CLMP: variants seen among roughly 807,000 people sequenced by gnomAD.
CLMP encodes CXADR-like membrane protein.
Under a neutral mutation model 45.2 loss-of-function variants are expected in CLMP, and 27 were observed. That is an observed-to-expected ratio of 0.60 (90% CI 0.44 to 0.82). The LOEUF (loss-of-function observed/expected upper bound fraction) is 0.82. CLMP is among the 40% of genes least tolerant of loss of function. CLMP has a pLI of 0.00. For missense variants in CLMP, 403 were observed against 448.4 expected, an observed-to-expected ratio of 0.90 and a Z score of 0.91; for synonymous variants, 167 against 171.4, an observed-to-expected ratio of 0.97 and a Z score of 0.20.
At chr11:123,166,094 T>C (rs977933973) in intron 1 of CLMP, among the ~76,000 whole-genome samples, 1 of 152,216 alleles carries the variant, frequency 6.6e-6, no homozygotes, top group Non-Finnish European at 1.5e-5. Context: ...CAAAAATTCA[T>C]GATTTGCAGC....
intron 4 of CLMP, 30 bp from the exon 5 acceptor site, chr11:123,083,237 C>G: frequency 6.2e-7 from 1 of 1,605,254 alleles, no homozygotes; most frequent in Non-Finnish European, 8.5e-7. Context: ...GACTGTAAAT[C>G]CCTTTAGTGA....
chr11:123,139,234 A>C (rs559570719), intron 1 of CLMP, among the ~76,000 whole-genome samples: 3 of 151,930 alleles, frequency 2.0e-5, no homozygotes, highest in South Asian at 2.1e-4. Context: ...AATAGTTTTC[A>C]ACTCAACAGG....
At chr11:123,144,671 G>A (rs1861213185) in intron 1 of CLMP, among the ~76,000 whole-genome samples, 1 of 151,504 alleles carries the variant, frequency 6.6e-6, no homozygotes, top group South Asian at 2.1e-4. Context: ...CTCCCAGCGG[G>A]GATAATGATT....
intron 5 of CLMP, among the ~76,000 whole-genome samples, chr11:123,075,935 G>A (rs1865733705): frequency 6.6e-6 from 1 of 152,122 alleles, no homozygotes; most frequent in Non-Finnish European, 1.5e-5. Context: ...CACTTTGGGA[G>A]GCTGACGTGG....
intron 1 of CLMP, among the ~76,000 whole-genome samples, chr11:123,177,735 T>G (rs1326981551): frequency 1.3e-5 from 2 of 152,206 alleles, no homozygotes; most frequent in Non-Finnish European, 2.9e-5. Flanking sequence ...TTAAAACATC[T>G]TGATTGTGGT....
chr11:123,165,030 G>T (rs1388896035), intron 1 of CLMP, among the ~76,000 whole-genome samples: 1 of 152,168 alleles, frequency 6.6e-6, no homozygotes. Context: ...GTAAAAACGC[G>T]ATTTTGACAG....
intron 1 of CLMP, among the ~76,000 whole-genome samples, chr11:123,136,598 C>T (rs1298828828): frequency 2.8e-4 from 35 of 126,362 alleles, no homozygotes; most frequent in African/African-American, 9.6e-4. Context: ...GACTGAGTCT[C>T]GCTCTGTCGC....
intron 1 of CLMP, among the ~76,000 whole-genome samples, chr11:123,116,265 C>T (rs1860718279): frequency 6.6e-6 from 1 of 152,028 alleles, no homozygotes; most frequent in Non-Finnish European, 1.5e-5. Flanking sequence ...GCCTACCACA[C>T]ACTTTAATAA....
intron 1 of CLMP, among the ~76,000 whole-genome samples, chr11:123,181,015 A>C (rs76735255): frequency 0.047 from 7,161 of 152,262 alleles, 225 homozygotes; most frequent in Middle Eastern, 0.092. Context: ...CTCTGCCTCC[A>C]ACCTCAGTGT....
At position 123,105,051 on chromosome 11, in the gene CLMP, G is replaced by A. The variant is rs1860522220; in HGVS notation, c.29-7099C>T. 1.3e-5 allele frequency among the ~76,000 whole-genome samples: 2 copies of A among 152,330 alleles called. 1 individual carries two copies. On this transcript the variant is annotated intron_variant, in intron 1 of 6. Transcript: ENST00000448775. Reference sequence around the variant, plus strand: ...CAGAATGCCTTCAGGGAAGCCGCAAGCTCTCCCTAAGTGGGAGCTTTTGCA... The same window carrying A: ...CAGAATGCCTTCAGGGAAGCCGCAAACTCTCCCTAAGTGGGAGCTTTTGCA...
intron 2 of CLMP, among the ~76,000 whole-genome samples, chr11:123,095,393 T>C (rs1369596070): frequency 3.9e-5 from 6 of 152,034 alleles, no homozygotes; most frequent in Non-Finnish European, 8.8e-5. Context: ...CTTGGCCTCC[T>C]GAGTAGCTGG....
intron 1 of CLMP, among the ~76,000 whole-genome samples, chr11:123,140,569 C>T (rs1316090433): frequency 2.6e-5 from 4 of 152,074 alleles, no homozygotes; most frequent in African/African-American, 7.2e-5. Context: ...CTCCCCTCTA[C>T]CCCCGAACCC....
intron 1 of CLMP, among the ~76,000 whole-genome samples, chr11:123,185,828 T>C (rs910281756): frequency 1.3e-5 from 2 of 152,198 alleles, no homozygotes; most frequent in African/African-American, 4.8e-5. Context: ...AACAAACAGA[T>C]TTTTCTTCTC....
intron 5 of CLMP, among the ~76,000 whole-genome samples, chr11:123,081,892 ACT>A (rs1227416248): frequency 6.6e-6 from 1 of 151,714 alleles, no homozygotes; most frequent in East Asian, 1.9e-4. Context: ...AAAAAGAAAA[ACT>A]CTATGAGACA....
At chr11:123,158,850 G>C (rs1173929206) in intron 1 of CLMP, among the ~76,000 whole-genome samples, 7 of 152,198 alleles carry the variant, frequency 4.6e-5, no homozygotes, top group Non-Finnish European at 1.0e-4. Flanking sequence ...CAGCACACAA[G>C]GTAGTCATTA....
In CLMP at chr11:123,085,741, A is replaced by G. The variant is rs150874036; in HGVS notation, c.187-1028T>C. 1.9e-4 allele frequency among the ~76,000 whole-genome samples: 28 copies of G among 147,902 alleles called. No homozygotes were observed. The East Asian group carries it at 5.0e-3, about 26-fold the overall frequency. On this transcript the variant is annotated intron_variant, in intron 2 of 6. Transcript: ENST00000448775. ...CATATCTGATTGCTTCCTTTGCCCT[A>G]TTTCACTAAGCCGAACTAATTTTTT...
intron 1 of CLMP, among the ~76,000 whole-genome samples, chr11:123,161,012 C>T (rs1861480674): frequency 6.6e-6 from 1 of 151,778 alleles, no homozygotes; most frequent in Admixed American, 6.6e-5. Context: ...AGAAACTTGC[C>T]TTCCTATTTA....
At chr11:123,173,249 AT>A (rs1371837765) in intron 1 of CLMP, among the ~76,000 whole-genome samples, 1 of 152,230 alleles carries the variant, frequency 6.6e-6, no homozygotes, top group Non-Finnish European at 1.5e-5. Flanking sequence ...AGCATGTGTA[AT>A]TTCCCATGAT....
intron 1 of CLMP, among the ~76,000 whole-genome samples, chr11:123,188,032 G>T (rs886907654): frequency 1.3e-5 from 2 of 152,196 alleles, no homozygotes; most frequent in African/African-American, 4.8e-5. Flanking sequence ...CTTTGGGACT[G>T]CTAGAATCCT....
Sources: gnomAD v4.1 joint callset for allele counts (sites outside exome capture counted in the v4.1 genomes callset) on GRCh38, gnomAD v4.1.1 for gene constraint, MANE v1.5 for transcripts, NCBI Gene and HGNC (gene_info 2026-07-23, HGNC 2026-07-21) for gene names.